Variants in LRP1B observed in about 807,000 individuals in gnomAD.
The protein encoded by LRP1B is low-density lipoprotein receptor-related protein 1B.
A neutral mutation model predicts 556.6 loss-of-function variants in LRP1B; 217 were observed. The observed-to-expected ratio is 0.39, with a 90% confidence interval of 0.35 to 0.44. The LOEUF (loss-of-function observed/expected upper bound fraction) is 0.44, where lower values mean the gene tolerates loss of function less well. LRP1B is among the 20% of genes least tolerant of loss of function. LRP1B has a pLI of 1.00. For missense variants in LRP1B, 5,053 were observed against 5,620.8 expected (o/e 0.90, Z 3.23); for synonymous variants, 2,047 against 1,865.8 (o/e 1.10, Z -2.50).
At chr2:141,275,210 T>G (rs2105375738) in intron 3 of LRP1B, among the ~76,000 whole-genome samples, 1 of 152,280 alleles carries the variant, frequency 6.6e-6, no homozygotes, top group African/African-American at 2.4e-5. Flanking sequence ...AGTAAATAAA[T>G]GTATTCATAG....
intron 1 of LRP1B, among the ~76,000 whole-genome samples, chr2:142,080,033 AG>A (rs1381155261): frequency 6.6e-6 from 1 of 152,046 alleles, no homozygotes; most frequent in Non-Finnish European, 1.5e-5. Context: ...AACATTGAAA[AG>A]ATTTTGGGTT....
intron 67 of LRP1B, among the ~76,000 whole-genome samples, chr2:140,379,430 T>C (rs765612641): frequency 8.5e-5 from 13 of 152,152 alleles, no homozygotes; most frequent in Non-Finnish European, 1.8e-4. Context: ...GCACGGTGGC[T>C]CACGCCTGTA....
intron 1 of LRP1B, among the ~76,000 whole-genome samples, chr2:142,021,750 A>G (rs1703337355): frequency 6.6e-6 from 1 of 152,188 alleles, no homozygotes; most frequent in Non-Finnish European, 1.5e-5. Flanking sequence ...TTTAATAACA[A>G]CAAAAGTATT....
intron 66 of LRP1B, among the ~76,000 whole-genome samples, chr2:140,427,929 C>G (rs967145846): frequency 1.6e-4 from 25 of 152,278 alleles, no homozygotes; most frequent in Middle Eastern, 3.4e-3. Context: ...AGCCCTCCCC[C>G]ACCTGCCCAG....
At chr2:141,386,260 A>C (rs1689832230) in intron 3 of LRP1B, among the ~76,000 whole-genome samples, 1 of 152,164 alleles carries the variant, frequency 6.6e-6, no homozygotes. Context: ...CCAAAAATCC[A>C]AAATCCAAAA....
chr2:141,271,876 A>C (rs576994768), intron 3 of LRP1B, among the ~76,000 whole-genome samples: 8 of 151,940 alleles, frequency 5.3e-5, no homozygotes, highest in Non-Finnish European at 2.9e-5. Flanking sequence ...AATTATGTAA[A>C]AATTATGTAC....
chr2:141,611,140 T>A (rs1688096112), intron 2 of LRP1B, among the ~76,000 whole-genome samples: 1 of 152,194 alleles, frequency 6.6e-6, no homozygotes, highest in Non-Finnish European at 1.5e-5. Flanking sequence ...CCACATAGAA[T>A]AATGACAGAA....
intron 83 of LRP1B, among the ~76,000 whole-genome samples, chr2:140,309,636 T>C (rs1024922936): frequency 6.6e-6 from 1 of 151,818 alleles, no homozygotes; most frequent in African/African-American, 2.4e-5. Context: ...AAAATAATTA[T>C]CATGATCCTG....
chr2:140,347,502 A>AT (rs796297864), intron 77 of LRP1B, among the ~76,000 whole-genome samples: 19 of 151,222 alleles, frequency 1.3e-4, no homozygotes, highest in African/African-American at 3.9e-4. Flanking sequence ...GAAAATAACC[A>AT]TTTTTTTAGA....
chr2:141,289,347 A>G (rs1474250302), intron 3 of LRP1B, among the ~76,000 whole-genome samples: 1 of 136,416 alleles, frequency 7.3e-6, no homozygotes, highest in Non-Finnish European at 1.5e-5. Context: ...CCGCCACTGC[A>G]CTCCAGCCTG....
chr2:141,858,745 C>T (rs550380894), intron 1 of LRP1B, among the ~76,000 whole-genome samples: 1 of 152,230 alleles, frequency 6.6e-6, no homozygotes, highest in South Asian at 2.1e-4. Flanking sequence ...ATACTGTGTG[C>T]TTTGCATGCT....
intron 20 of LRP1B, among the ~76,000 whole-genome samples, chr2:140,925,178 A>G (rs1212482799): frequency 6.6e-6 from 1 of 152,148 alleles, no homozygotes; most frequent in Non-Finnish European, 1.5e-5. Context: ...GAATTTTGAT[A>G]TCTTCAGGGT....
At chr2:141,098,652 C>G (rs1700382106) in intron 7 of LRP1B, among the ~76,000 whole-genome samples, 1 of 151,130 alleles carries the variant, frequency 6.6e-6, no homozygotes, top group Non-Finnish European at 1.5e-5. Context: ...TTCTCTTTAT[C>G]TGTAGATTGA....
rs369716139 is a variant in LRP1B, at chr2:141,979,073, T to A, written c.82+151575A>T. On this transcript the variant is annotated intron_variant, in intron 1 of 90. Transcript: ENST00000389484. ...GGCCTAAGAGAGTCATATAAAGTTATAAAGACAATTATTTCCATGAAGTAG... is the reference window on the plus strand; with the variant it reads ...GGCCTAAGAGAGTCATATAAAGTTAAAAAGACAATTATTTCCATGAAGTAG... 2.6e-5 allele frequency among the ~76,000 whole-genome samples: 4 copies of A among 151,992 alleles called. No homozygotes were observed. In the East Asian group the frequency reaches 5.8e-4, roughly 22 times the overall value.
chr2:142,115,717 AATATATATATAATATATATGTAAT>A lies in LRP1B; in HGVS notation c.82+14907_82+14930del, dbSNP rs1321433561. Among the ~76,000 whole-genome samples the A allele has an allele frequency of 7.1e-3, 184 of 25,930 alleles. 77 individuals are homozygous for A. Among genetic ancestry groups the A allele is most frequent in the Non-Finnish European group, 0.011 (152 of 13,688 alleles). 17.0% of individuals were successfully genotyped at this position (25,930 alleles called of 152,430 possible). A position where few individuals can be genotyped will look rare whatever the true frequency, so the allele number is the denominator to read the frequency against. On this transcript the variant is annotated intron_variant, in intron 1 of 90. Coordinates refer to ENST00000389484, the MANE Select transcript of LRP1B (RefSeq NM_018557.3). ...TGTAATATATATATAATATATATGTAATATATATATAATATATATGTAATATATATATTATATATATGTAATATA... is the reference window on the plus strand; with the variant it reads ...TGTAATATATATATAATATATATGTAATATATATTATATATATGTAATATA...
At chr2:142,033,097 G>A (rs1314700325) in intron 1 of LRP1B, among the ~76,000 whole-genome samples, 3 of 151,658 alleles carry the variant, frequency 2.0e-5, no homozygotes, top group African/African-American at 4.8e-5. Flanking sequence ...GACTCCCCAC[G>A]ATGAGATTTT....
chr2:140,340,215 AAC>A (rs1456708620), intron 77 of LRP1B, among the ~76,000 whole-genome samples: 1 of 151,520 alleles, frequency 6.6e-6, no homozygotes, highest in Non-Finnish European at 1.5e-5. Context: ...ATGATTATAA[AAC>A]ACACTGAATT....
intron 2 of LRP1B, among the ~76,000 whole-genome samples, chr2:141,486,985 T>A (rs1460212903): frequency 6.6e-6 from 1 of 152,044 alleles, no homozygotes; most frequent in Non-Finnish European, 1.5e-5. Flanking sequence ...TCAGAATACC[T>A]CTCTCTTAGA....
At chr2:141,204,517 TGA>T (rs1411788241) in intron 6 of LRP1B, among the ~76,000 whole-genome samples, 2 of 152,178 alleles carry the variant, frequency 1.3e-5, no homozygotes, top group Admixed American at 6.5e-5. Context: ...GTTATTTTCC[TGA>T]GAGATTTACC....
Sources: allele counts gnomAD v4.1 joint callset (sites outside exome capture counted in the v4.1 genomes callset), GRCh38; gene constraint gnomAD v4.1.1; transcripts MANE v1.5; gene names NCBI Gene and HGNC (gene_info 2026-07-23, HGNC 2026-07-21).